The following HECTD4 variants were observed in gnomAD, a reference collection of about 807,000 sequenced individuals.
HECTD4 encodes the protein probable E3 ubiquitin-protein ligase HECTD4.
HECTD4 carries 114 observed loss-of-function variants against 471.5 expected under a neutral mutation model. The ratio of observed to expected loss-of-function variants is 0.24; its 90% CI spans 0.21 to 0.28. HECTD4 has a LOEUF of 0.28. Ranked by LOEUF, HECTD4 falls within the 10% of genes least tolerant of loss-of-function variation. The pLI, the probability that HECTD4 is intolerant of heterozygous loss-of-function variation, is 1.00. For synonymous variants in HECTD4, 2,012 were observed against 2,256.0 expected (o/e 0.89, Z 3.07); for missense variants, 3,866 against 5,651.5 (o/e 0.68, Z 10.13).
intron 1 of HECTD4, among the ~76,000 whole-genome samples, chr12:112,345,551 A>G (rs767281412): frequency 1.3e-5 from 2 of 152,200 alleles, no homozygotes; most frequent in Non-Finnish European, 2.9e-5. Flanking sequence ...TCATGAAATA[A>G]TGAGGTTCGA....
At position 112,188,487 on chromosome 12, in the gene HECTD4, C is replaced by G. The variant is rs964897216; in HGVS notation, c.9472+2299G>C. 2.6e-5 allele frequency among the ~76,000 whole-genome samples: 4 copies of G among 152,162 alleles called. No homozygotes were observed. Among genetic ancestry groups the G allele is most frequent in the African/African-American group, 9.7e-5 (4 of 41,408 alleles). ...ATTCACATAGTCATGTACCCTGGAT[C>G]TGAGTGGAAAGAGAGAAAGCTCATG... On this transcript the variant is annotated intron_variant, in intron 60 of 75. Transcript: ENST00000682272. The surrounding 1 kb of genome is among the most constrained non-coding windows in gnomAD (Gnocchi z 4.2).
At chr12:112,262,636 A>G (rs1477759072) in intron 17 of HECTD4, among the ~76,000 whole-genome samples, 1 of 128,252 alleles carries the variant, frequency 7.8e-6, no homozygotes, top group East Asian at 3.5e-4. Flanking sequence ...TATTTTTTGA[A>G]ACACAGTCTC....
chr12:112,261,744 C>T (rs1023058912), intron 17 of HECTD4: 22 of 195,044 alleles, frequency 1.1e-4, no homozygotes, highest in African/African-American at 4.2e-4. Flanking sequence ...ATTTCCCATC[C>T]CATCCAGCAC....
At chr12:112,328,942 T>C (rs573112629) in intron 1 of HECTD4, among the ~76,000 whole-genome samples, 160 of 152,382 alleles carry the variant, frequency 1.0e-3, no homozygotes, top group African/African-American at 3.7e-3. Context: ...ATATGGTGAC[T>C]TTCCCAGATC....
chr12:112,279,450 C>T (rs1245745318), intron 8 of HECTD4, 64 bp from the exon 9 acceptor site: 2 of 1,409,558 alleles, frequency 1.4e-6, no homozygotes, highest in African/African-American at 1.4e-5. Context: ...TGATTACCAA[C>T]ACAGATTAGG....
chr12:112,252,233 A>AC (rs1488579976), intron 23 of HECTD4, among the ~76,000 whole-genome samples, 191 bp downstream of exon 23: 1 of 152,146 alleles, frequency 6.6e-6, no homozygotes, highest in African/African-American at 2.4e-5. Context: ...TGCTGAGTTG[A>AC]TTTTAGGTCA....
At position 112,237,371 on chromosome 12, in the gene HECTD4, T is replaced by C. The variant is rs543993111; in HGVS notation, c.5291-273A>G. ...ACATACTTTGATTGATAGGGAAGAA[T>C]CATTACTTCACCGGTGATGAAAACA... On this transcript the variant is annotated intron_variant, in intron 34 of 75. Transcript: ENST00000682272. Among the ~76,000 whole-genome samples the C allele has an allele frequency of 4.3e-4, 66 of 152,326 alleles. 1 individual carries two copies. The highest frequency in any genetic ancestry group is 1.4e-3 in the African/African-American group (59 of 41,562).
At chr12:112,330,209 G>A (rs2035821979) in intron 1 of HECTD4, among the ~76,000 whole-genome samples, 1 of 151,676 alleles carries the variant, frequency 6.6e-6, no homozygotes, top group African/African-American at 2.4e-5. Flanking sequence ...CCTGGGAGGC[G>A]GAGGTTGCAG....
At chr12:112,236,909 A>T in intron 35 of HECTD4, 36 bp downstream of exon 35, 1 of 1,499,036 alleles carries the variant, frequency 6.7e-7, no homozygotes, top group Non-Finnish European at 8.9e-7. Flanking sequence ...GAGGAAAGCC[A>T]GCTTCTCCCA....
intron 3 of HECTD4, among the ~76,000 whole-genome samples, chr12:112,313,860 T>C (rs145846500): frequency 6.6e-6 from 1 of 152,244 alleles, no homozygotes; most frequent in Non-Finnish European, 1.5e-5. Context: ...AATATACTAT[T>C]TTATGTGTAT....
At position 112,259,216 on chromosome 12, in the gene HECTD4, G is replaced by A; in HGVS notation, c.2923C>T (p.Leu975Phe). The change falls in exon 19 of 76, where the codon CTT (leucine) becomes TTT (phenylalanine). Residue 975 changes from leucine (L) to phenylalanine (F), a missense_variant. Leu to Phe is a conservative substitution (Grantham distance 22). This residue lies in a region of HECTD4 where 525 missense variants were observed against 672.6 expected (regional missense o/e 0.78). Transcript: ENST00000682272. ...VTKATMLGHL[L>F]PVLLTSLMHP... ...ATCAAGGAGGTCAGTAACACTGGAA[G>A]AAGGTGACCAAGCATAGTAGCCTTA... 1 of 1,613,932 alleles carries A rather than the reference G, an allele frequency of 6.2e-7. No homozygotes were observed.
chr12:112,246,743 A>G (rs1311394277), intron 29 of HECTD4, among the ~76,000 whole-genome samples, 158 bp downstream of exon 29: 1 of 152,248 alleles, frequency 6.6e-6, no homozygotes, highest in African/African-American at 2.4e-5. Flanking sequence ...TACAGAAAGT[A>G]TAAGGCAAAA....
At chr12:112,186,461 C>T (rs985658923) in intron 60 of HECTD4, among the ~76,000 whole-genome samples, 1 of 149,144 alleles carries the variant, frequency 6.7e-6, no homozygotes, top group Non-Finnish European at 1.5e-5. Flanking sequence ...CTCAGCCTCC[C>T]GCATAGCTGG....
rs868036203 is a variant in HECTD4, at chr12:112,230,826, C to T, written c.6201-4G>A. 2.5e-6 allele frequency: 4 copies of T among 1,606,874 alleles called. No homozygotes were observed. The highest frequency in any genetic ancestry group is 1.7e-4 in the Middle Eastern group (1 of 6,048). On this transcript the variant is annotated splice_polypyrimidine_tract_variant and splice_region_variant and intron_variant, in intron 39 of 75. Coordinates refer to ENST00000682272, the MANE Select transcript of HECTD4 (RefSeq NM_001388303.1). ...GAAGGGACGCACAGGATCAGTCCTGCAAGTGTCAACAGGAAAAAGTGTCAG... is the reference window on the plus strand; with the variant it reads ...GAAGGGACGCACAGGATCAGTCCTGTAAGTGTCAACAGGAAAAAGTGTCAG...
intron 7 of HECTD4, among the ~76,000 whole-genome samples, chr12:112,285,291 A>G (rs1185032967): frequency 6.6e-6 from 1 of 151,936 alleles, no homozygotes; most frequent in African/African-American, 2.4e-5. Flanking sequence ...CCAAGATTAG[A>G]CCTACCCCTG....
At chr12:112,339,904 C>G (rs1362175322) in intron 1 of HECTD4, among the ~76,000 whole-genome samples, 1 of 151,986 alleles carries the variant, frequency 6.6e-6, no homozygotes, top group Non-Finnish European at 1.5e-5. Flanking sequence ...CAAAAATTAG[C>G]CAGTCATGGT....
intron 1 of HECTD4, among the ~76,000 whole-genome samples, chr12:112,327,526 T>C (rs544012077): frequency 1.0e-3 from 155 of 152,298 alleles, no homozygotes; most frequent in African/African-American, 3.5e-3. Flanking sequence ...TTGAAATTAG[T>C]GTTTGTGAAA....
intron 48 of HECTD4, among the ~76,000 whole-genome samples, chr12:112,214,575 T>C (rs576868935): frequency 1.3e-5 from 2 of 152,348 alleles, no homozygotes; most frequent in Admixed American, 6.5e-5. Context: ...TGCAGACACA[T>C]TTCTCTAGAA....
Position 112,235,608 on chromosome 12 carries a change from C to T in HECTD4, c.5621G>A (p.Ser1874Asn), listed in dbSNP as rs2033481985. Residue 1874 changes from serine (S) to asparagine (N), a missense_variant, in exon 36 of 76, where the codon AGC becomes AAC. By Grantham distance (46) the Ser-to-Asn change is conservative. Around this residue, in one of 16 missense-constraint regions of HECTD4, gnomAD observed 617 missense variants for 915.1 expected, o/e 0.67. Transcript: ENST00000682272. This position sits in a 1 kb window ranked among gnomAD's most constrained non-coding sequence, Gnocchi z 5.0. ...ACTGTTTAAGGAGGGGACAGAGTAG[C>T]TCCAGGGTGGGAGCTCCACGTTTCC... ...DCGNVELPPW[S>N]YSVPSLNSEQ... 14 of 1,613,914 alleles carry T rather than the reference C, an allele frequency of 8.7e-6. No individual in the cohort carries two copies. The highest frequency in any genetic ancestry group is 6.7e-5 in the East Asian group (3 of 44,896).
Sources: gnomAD v4.1 joint callset for allele counts (sites outside exome capture counted in the v4.1 genomes callset) on GRCh38, gnomAD v4.1.1 for gene constraint, gnomAD v4.1.1 regional missense constraint, Gnocchi (gnomAD v3.1) non-coding constraint, MANE v1.5 for transcripts, NCBI Gene and HGNC (gene_info 2026-07-23, HGNC 2026-07-21) for gene names.